C5AR1: variants seen among roughly 807,000 people sequenced by gnomAD.
C5AR1 encodes C5a anaphylatoxin chemotactic receptor 1.
C5AR1 carries 4 observed loss-of-function variants against 2.4 expected under a neutral mutation model. The ratio of observed to expected loss-of-function variants is 1.65; its 90% CI spans 0.81 to 3.77. The LOEUF (loss-of-function observed/expected upper bound fraction) is 3.77. C5AR1 is among the 30% of genes most tolerant of loss of function. The pLI, the probability that C5AR1 is intolerant of heterozygous loss-of-function variation, is 0.01. For synonymous variants in C5AR1, 209 were observed against 210.4 expected (o/e 0.99, Z 0.06); for missense variants, 418 against 462.5 (o/e 0.90, Z 0.88).
chr19:47,319,336 T>G (rs1599731874), intron 1 of C5AR1, among the ~76,000 whole-genome samples: 3 of 95,578 alleles, frequency 3.1e-5, no homozygotes, highest in African/African-American at 4.1e-5. Context: ...TGAGACAGGG[T>G]CTCACTCTGT....
chr19:47,320,888 C>T lies in C5AR1; in HGVS notation c.*58C>T. 2 of 1,465,058 alleles carry T rather than the reference C, an allele frequency of 1.4e-6. No individual in the cohort carries two copies. Among genetic ancestry groups the T allele is most frequent in the Non-Finnish European group, 1.9e-6 (2 of 1,080,466 alleles). 90.8% of individuals were successfully genotyped at this position (1,465,058 alleles called of 1,614,324 possible). On this transcript the variant is annotated 3_prime_UTR_variant, in exon 2 of 2. Coordinates refer to ENST00000355085, the MANE Select transcript of C5AR1 (RefSeq NM_001736.4). This position sits in a 1 kb window ranked among gnomAD's most constrained non-coding sequence, Gnocchi z 4.9. ...TCCCCTTCCTTCCCGGCCATTCTCC[C>T]TCTTGTTTTCACTTCACTTTTCGTG...
intron 1 of C5AR1, among the ~76,000 whole-genome samples, chr19:47,314,839 G>A (rs906772970): frequency 1.3e-5 from 2 of 152,122 alleles, no homozygotes; most frequent in African/African-American, 4.8e-5. Flanking sequence ...AATTACAGGT[G>A]CCTGCCATCA....
At position 47,320,401 on chromosome 19, in the gene C5AR1, C is replaced by T. The variant is rs2059305607; in HGVS notation, c.624C>T (p.Val208=). The change falls in exon 2 of 2, where the codon GTC becomes GTT. Residue 208 remains valine (V), a synonymous_variant. Transcript: ENST00000355085. The surrounding 1 kb of genome is among the most constrained non-coding windows in gnomAD (Gnocchi z 4.9). ...RERAVAIVRL[V]LGFLWPLLTL... is the part of the protein sequence containing the mutation. ...GAGCCGTGGCCATCGTCCGGCTGGT[C>T]CTGGGCTTCCTGTGGCCTCTACTCA... is the stretch of plus-strand genomic sequence containing the variant. The T allele has an allele frequency of 6.2e-7, 1 of 1,610,362 alleles. No homozygotes were observed. Among genetic ancestry groups the T allele is most frequent in the Non-Finnish European group, 8.5e-7 (1 of 1,179,920 alleles).
chr19:47,315,302 G>T (rs2059283326), intron 1 of C5AR1, among the ~76,000 whole-genome samples: 1 of 152,204 alleles, frequency 6.6e-6, no homozygotes, highest in African/African-American at 2.4e-5. Context: ...GAGAGGTGCT[G>T]CAGTGGCAAA....
At position 47,320,117 on chromosome 19, in the gene C5AR1, T is replaced by C; in HGVS notation, c.340T>C (p.Ser114Pro). ...CGGGGCCGCCTGCAGCATCCTGCCC[T>C]CCCTCATCCTGCTCAACATGTACGC... ...FGGAACSILP[S>P]LILLNMYASI... Residue 114 changes from serine (S) to proline (P), a missense_variant, in exon 2 of 2, where the codon TCC (serine) becomes CCC (proline). Transcript: ENST00000355085. The surrounding 1 kb of genome is among the most constrained non-coding windows in gnomAD (Gnocchi z 4.9). 1 of 1,614,150 alleles carries C rather than the reference T, an allele frequency of 6.2e-7. No individual in the cohort carries two copies. The highest frequency in any genetic ancestry group is 8.5e-7 in the Non-Finnish European group (1 of 1,180,030).
rs754063327 is a variant in C5AR1, at chr19:47,319,970, G to A, written c.193G>A (p.Glu65Lys). 1.1e-5 allele frequency: 17 copies of A among 1,614,096 alleles called. No individual in the cohort carries two copies. The highest frequency in any genetic ancestry group is 4.0e-5 in the African/African-American group (3 of 74,926). ...CCTGGTGGTCTGGGTGACGGCATTC[G>A]AGGCCAAGCGGACCATCAATGCCAT... Reference protein sequence around the residue: ...NALVVWVTAFEAKRTINAIWF... With the variant: ...NALVVWVTAFKAKRTINAIWF... Residue 65 changes from glutamate (E) to lysine (K), a missense_variant, in exon 2 of 2, where the codon GAG becomes AAG. Physicochemically the swap from Glu to Lys is moderately conservative, Grantham distance 56. Coordinates refer to ENST00000355085, the MANE Select transcript of C5AR1 (RefSeq NM_001736.4).
chr19:47,319,304 ATTTTTTT>A (rs34731685), intron 1 of C5AR1, among the ~76,000 whole-genome samples: 5 of 94,142 alleles, frequency 5.3e-5, no homozygotes, highest in East Asian at 3.3e-4. Context: ...GAATCATTTC[ATTTTTTT>A]TTTTTTTTTT....
In C5AR1 at chr19:47,320,593, A is replaced by G. The variant is rs760949680; in HGVS notation, c.816A>G (p.Ser272=). The G allele has an allele frequency of 6.2e-7, 1 of 1,613,432 alleles. No homozygotes were observed. The highest frequency in any genetic ancestry group is 1.1e-5 in the South Asian group (1 of 91,036). The change falls in exon 2 of 2, where the codon TCA becomes TCG. Residue 272 remains serine (S), a synonymous_variant. Transcript: ENST00000355085. The surrounding 1 kb of genome is among the most constrained non-coding windows in gnomAD (Gnocchi z 4.9). ...GIMMSFLEPS[S]PTFLLLKKLD... The stretch of plus-strand genomic sequence containing the variant: ...TGATGTCCTTCCTGGAGCCATCGTC[A>G]CCCACCTTCCTGCTGCTGAAGAAGC...
rs1189503848 is a variant in C5AR1 at position 47,321,064 on chromosome 19, C to A, written c.*234C>A. ...GAGCACCCTCCCACCCCCCACCCCC[C>A]CCACACACACCATCTTTCCATCCCA... On this transcript the variant is annotated 3_prime_UTR_variant, in exon 2 of 2. Coordinates refer to ENST00000355085, the MANE Select transcript of C5AR1 (RefSeq NM_001736.4). The A allele has an allele frequency of 6.3e-4, 156 of 247,246 alleles. 2 individuals are homozygous for A. The highest frequency in any genetic ancestry group is 9.8e-4 in the Non-Finnish European group (141 of 144,594). 15.3% of individuals were successfully genotyped at this position (247,246 alleles called of 1,614,324 possible).
At chr19:47,314,695 G>C (rs977053199) in intron 1 of C5AR1, among the ~76,000 whole-genome samples, 2 of 150,274 alleles carry the variant, frequency 1.3e-5, no homozygotes, top group Non-Finnish European at 3.0e-5. Flanking sequence ...ACCGTGTCCA[G>C]CCTATTTTAT....
intron 1 of C5AR1, among the ~76,000 whole-genome samples, chr19:47,310,654 C>T (rs1229579376): frequency 1.3e-5 from 2 of 152,092 alleles, no homozygotes; most frequent in African/African-American, 4.8e-5. Flanking sequence ...CTATGTCCGG[C>T]TAATTTTTAA....
In C5AR1 at chr19:47,312,285, C is replaced by T. The variant is rs138710136; in HGVS notation, c.3+2387C>T. Among the ~76,000 whole-genome samples, 1,249 of 152,194 alleles carry T rather than the reference C, an allele frequency of 8.2e-3. 8 individuals carry two copies. The highest frequency in any genetic ancestry group is 0.013 in the Non-Finnish European group (907 of 68,006). On this transcript the variant is annotated intron_variant, in intron 1 of 1. Coordinates refer to ENST00000355085, the MANE Select transcript of C5AR1 (RefSeq NM_001736.4). ...ATTTTTAGTAGAGACGGGGTTTCAC[C>T]GTGTTGGCCAGGCTGGTCTTGAACT...
chr19:47,313,691 C>T (rs2059277571), intron 1 of C5AR1, among the ~76,000 whole-genome samples: 1 of 151,604 alleles, frequency 6.6e-6, no homozygotes, highest in African/African-American at 2.4e-5. Flanking sequence ...TTGCAGTGAG[C>T]TGAGATCGCG....
At chr19:47,308,125 A>G (rs1211879139), upstream of C5AR1, among the ~76,000 whole-genome samples, 1 of 149,178 alleles carries the variant, frequency 6.7e-6, no homozygotes, top group Non-Finnish European at 1.5e-5. Context: ...AGGCAGGAGA[A>G]TCGCTTGAAC....
chr19:47,320,865 C>T lies in C5AR1; in HGVS notation c.*35C>T. The T allele has an allele frequency of 1.9e-6, 3 of 1,543,218 alleles. No homozygotes were observed. The highest frequency in any genetic ancestry group is 2.6e-6 in the Non-Finnish European group (3 of 1,136,086). ...TCATGGGCCACTGTGGCCCGATGTC[C>T]CCTTCCTTCCCGGCCATTCTCCCTC... On this transcript the variant is annotated 3_prime_UTR_variant, in exon 2 of 2. Coordinates refer to ENST00000355085, the MANE Select transcript of C5AR1 (RefSeq NM_001736.4). The surrounding 1 kb of genome is among the most constrained non-coding windows in gnomAD (Gnocchi z 4.9).
rs190773552 is a variant in C5AR1 at position 47,317,277 on chromosome 19, C to T, written c.4-2504C>T. Reference sequence around the variant, plus strand: ...ATCCCAGCACTTTGGGAGACCAAGGCCGGAGGATTGCTTGAACCCAGGAGT... The same window carrying T: ...ATCCCAGCACTTTGGGAGACCAAGGTCGGAGGATTGCTTGAACCCAGGAGT... On this transcript the variant is annotated intron_variant, in intron 1 of 1. Coordinates refer to ENST00000355085, the MANE Select transcript of C5AR1 (RefSeq NM_001736.4). 5.6e-4 allele frequency among the ~76,000 whole-genome samples: 84 copies of T among 150,900 alleles called. 2 individuals are homozygous for T. The highest frequency in any genetic ancestry group is 5.4e-3 in the Admixed American group (82 of 15,108).
At position 47,320,020 on chromosome 19, in the gene C5AR1, C is replaced by T. The variant is rs1027623835; in HGVS notation, c.243C>T (p.Ala81=). ...NAIWFLNLAV[A]DFLSCLALPI... is the part of the protein sequence containing the mutation. Reference sequence around the variant, plus strand: ...TCTGGTTCCTCAACTTGGCGGTAGCCGACTTCCTCTCCTGCCTGGCGCTGC... The same window carrying T: ...TCTGGTTCCTCAACTTGGCGGTAGCTGACTTCCTCTCCTGCCTGGCGCTGC... Residue 81 remains alanine (A), a synonymous_variant, in exon 2 of 2, where the codon GCC becomes GCT. Coordinates refer to ENST00000355085, the MANE Select transcript of C5AR1 (RefSeq NM_001736.4). This position sits in a 1 kb window ranked among gnomAD's most constrained non-coding sequence, Gnocchi z 4.9. The T allele has an allele frequency of 7.4e-6, 12 of 1,614,108 alleles. No individual in the cohort carries two copies. The highest frequency in any genetic ancestry group is 1.3e-5 in the African/African-American group (1 of 74,938).
chr19:47,308,642 G>A (rs190270230), upstream of C5AR1, among the ~76,000 whole-genome samples: 598 of 150,918 alleles, frequency 4.0e-3, 3 homozygotes, highest in African/African-American at 0.014. Context: ...TGCAACCTCC[G>A]CCTCCTGGGT....
chr19:47,318,428 G>A (rs574138848), intron 1 of C5AR1, among the ~76,000 whole-genome samples: 65 of 151,910 alleles, frequency 4.3e-4, no homozygotes, highest in Non-Finnish European at 8.4e-4. Context: ...CGAGTAGCTG[G>A]GATTACAGGT....
Sources: gnomAD v4.1 joint callset for allele counts (sites outside exome capture counted in the v4.1 genomes callset) on GRCh38, gnomAD v4.1.1 for gene constraint, Gnocchi (gnomAD v3.1) non-coding constraint, MANE v1.5 for transcripts, NCBI Gene and HGNC (gene_info 2026-07-23, HGNC 2026-07-21) for gene names.